ZNF385D: variants seen among roughly 807,000 people sequenced by gnomAD.
The protein encoded by ZNF385D is zinc finger protein 385D.
A neutral mutation model predicts 35.8 loss-of-function variants in ZNF385D; 15 were observed. That is an observed-to-expected ratio of 0.42 (90% CI 0.28 to 0.64). ZNF385D has a LOEUF of 0.64. Among genes scored for constraint, ZNF385D ranks in the 30% least tolerant of loss-of-function variants. ZNF385D has a pLI of 0.23. For synonymous variants in ZNF385D, 212 were observed against 186.8 expected, an observed-to-expected ratio of 1.13 and a Z score of -1.10; for missense variants, 474 against 494.6, an observed-to-expected ratio of 0.96 and a Z score of 0.39.
intron 3 of ZNF385D, among the ~76,000 whole-genome samples, chr3:21,939,142 A>G (rs531386085): frequency 6.6e-6 from 1 of 152,348 alleles, no homozygotes; most frequent in South Asian, 2.1e-4. Context: ...TGTCATTACT[A>G]GGGCAAGAAT....
intron 3 of ZNF385D, among the ~76,000 whole-genome samples, chr3:21,516,455 A>G (rs530955770): frequency 1.2e-4 from 19 of 152,254 alleles, no homozygotes; most frequent in African/African-American, 4.6e-4. Flanking sequence ...AGAAATTTAC[A>G]TCTATATGTC....
chr3:21,849,381 T>C (rs1057151192), intron 3 of ZNF385D, among the ~76,000 whole-genome samples: 3 of 152,092 alleles, frequency 2.0e-5, no homozygotes, highest in South Asian at 2.1e-4. Flanking sequence ...AGTTATTACA[T>C]AGCATGCTTT....
Position 22,020,377 on chromosome 3 carries a change from C to A in ZNF385D, c.325+148440G>T, listed in dbSNP as rs76581266. On this transcript the variant is annotated intron_variant, in intron 3 of 5. Coordinates refer to the ZNF385D transcript ENST00000494108. ...TTTTTAAATTTTTTCTTTAGTTGAA[C>A]CACATGGGGAACATAAGACAAGATA... Among the ~76,000 whole-genome samples the A allele has an allele frequency of 5.8e-3, 873 of 151,762 alleles. 6 individuals are homozygous for A. Among genetic ancestry groups the A allele is most frequent in the Non-Finnish European group, 8.7e-3 (593 of 67,826 alleles).
chr3:21,987,507 T>C (rs1412185866), intron 3 of ZNF385D, among the ~76,000 whole-genome samples: 1 of 128,090 alleles, frequency 7.8e-6, no homozygotes, highest in Non-Finnish European at 1.6e-5. Flanking sequence ...CCCACTCTCT[T>C]CTGGCTTGTA....
chr3:22,189,165 C>T (rs1180962357), intron 2 of ZNF385D, among the ~76,000 whole-genome samples: 1 of 152,062 alleles, frequency 6.6e-6, no homozygotes, highest in Non-Finnish European at 1.5e-5. Context: ...AAAGTTGGCC[C>T]CAAGGTCATC....
intron 3 of ZNF385D, among the ~76,000 whole-genome samples, chr3:22,139,867 G>T (rs1397082657): frequency 6.6e-6 from 1 of 152,092 alleles, no homozygotes; most frequent in Non-Finnish European, 1.5e-5. Flanking sequence ...TTTGGAAAAT[G>T]TAAATAAAAG....
chr3:22,058,874 C>T (rs1000236034), intron 3 of ZNF385D, among the ~76,000 whole-genome samples: 17 of 152,148 alleles, frequency 1.1e-4, no homozygotes, highest in African/African-American at 4.1e-4. Context: ...GACCACTATC[C>T]ACCTCCATAG....
At chr3:22,345,966 T>C (rs67227208) in intron 2 of ZNF385D, among the ~76,000 whole-genome samples, 12,387 of 152,224 alleles carry the variant, frequency 0.081, 840 homozygotes, top group African/African-American at 0.2. Flanking sequence ...GTTCAGCTTC[T>C]CCCTTGTCCC....
At chr3:21,726,224 C>T (rs568506733) in intron 1 of ZNF385D, among the ~76,000 whole-genome samples, 2 of 152,226 alleles carry the variant, frequency 1.3e-5, no homozygotes, top group South Asian at 2.1e-4. Flanking sequence ...CAATATCATA[C>T]CGAATGGGCA....
chr3:21,990,060 C>T (rs1695064385), intron 3 of ZNF385D, among the ~76,000 whole-genome samples: 1 of 152,144 alleles, frequency 6.6e-6, no homozygotes, highest in African/African-American at 2.4e-5. Context: ...TTTACCCTGA[C>T]TCCAAATGCA....
chr3:21,514,687 T>C (rs1697310229), intron 3 of ZNF385D, among the ~76,000 whole-genome samples: 1 of 151,812 alleles, frequency 6.6e-6, no homozygotes, highest in Non-Finnish European at 1.5e-5. Context: ...TTGCTGTATG[T>C]CACTTTCCTT....
intron 4 of ZNF385D, among the ~76,000 whole-genome samples, chr3:21,455,972 G>A (rs866309049): frequency 1.3e-5 from 2 of 152,054 alleles, no homozygotes; most frequent in Admixed American, 1.3e-4. Flanking sequence ...GCAGCCAAAA[G>A]ACACATGAAA....
chr3:21,739,526 G>T (rs1411602670), intron 1 of ZNF385D, among the ~76,000 whole-genome samples: 1 of 152,116 alleles, frequency 6.6e-6, no homozygotes, highest in African/African-American at 2.4e-5. Flanking sequence ...AACATGAGGG[G>T]CCAGATCAGA....
chr3:22,300,728 C>T (rs1702854658), intron 2 of ZNF385D, among the ~76,000 whole-genome samples: 1 of 151,832 alleles, frequency 6.6e-6, no homozygotes, highest in African/African-American at 2.4e-5. Flanking sequence ...AAAATTAAAA[C>T]CACAATGAAC....
chr3:22,300,637 T>C lies in ZNF385D; in HGVS notation c.106+71813A>G, dbSNP rs370127133. Among the ~76,000 whole-genome samples, 10 of 151,782 alleles carry C rather than the reference T, an allele frequency of 6.6e-5. No homozygotes were observed. In the South Asian group the frequency reaches 2.1e-3, roughly 32 times the overall value. On this transcript the variant is annotated intron_variant, in intron 2 of 5. Transcript: ENST00000494108. ...TTTATAAATGGGTAAAGGATAGAAA[T>C]AGACATTTTTCTAAAGAAGGCATAC...
intron 3 of ZNF385D, among the ~76,000 whole-genome samples, chr3:21,787,082 A>G (rs1040744051): frequency 6.6e-6 from 1 of 152,222 alleles, no homozygotes; most frequent in Non-Finnish European, 1.5e-5. Context: ...ACAATAATAG[A>G]TAAGTGATAT....
At chr3:22,021,035 T>C (rs1476756419) in intron 3 of ZNF385D, among the ~76,000 whole-genome samples, 1 of 151,940 alleles carries the variant, frequency 6.6e-6, no homozygotes, top group Non-Finnish European at 1.5e-5. Context: ...ATATTTCAAG[T>C]TCTCATTCAT....
chr3:21,915,785 C>T (rs1460342034), intron 3 of ZNF385D, among the ~76,000 whole-genome samples: 1 of 152,148 alleles, frequency 6.6e-6, no homozygotes, highest in Non-Finnish European at 1.5e-5. Flanking sequence ...AAAGCAAAGA[C>T]ACCTCATACC....
chr3:22,352,591 T>A (rs1411787283), intron 2 of ZNF385D, among the ~76,000 whole-genome samples: 1 of 152,220 alleles, frequency 6.6e-6, no homozygotes, highest in African/African-American at 2.4e-5. Context: ...TGGCTTTATC[T>A]TGACCTTACT....
Sources: gnomAD v4.1 joint callset for allele counts (sites outside exome capture counted in the v4.1 genomes callset) on GRCh38, gnomAD v4.1.1 for gene constraint, MANE v1.5 for transcripts, NCBI Gene and HGNC (gene_info 2026-07-23, HGNC 2026-07-21) for gene names.